CDH3: variants seen among roughly 807,000 people sequenced by gnomAD.
CDH3 encodes the protein cadherin 3.
Under a neutral mutation model 82.0 loss-of-function variants are expected in CDH3, and 54 were observed. The ratio of observed to expected loss-of-function variants is 0.66; its 90% CI spans 0.53 to 0.83. The LOEUF (loss-of-function observed/expected upper bound fraction) is 0.83. Among genes scored for constraint, CDH3 ranks in the 40% least tolerant of loss-of-function variants. The pLI, the probability that CDH3 is intolerant of heterozygous loss-of-function variation, is 0.00. For synonymous variants in CDH3, 446 were observed against 437.9 expected, an observed-to-expected ratio of 1.02 and a Z score of -0.23; for missense variants, 1,054 against 1,084.6, an observed-to-expected ratio of 0.97 and a Z score of 0.40.
At chr16:68,674,255 G>C (rs937024444) in intron 2 of CDH3, among the ~76,000 whole-genome samples, 13 of 152,022 alleles carry the variant, frequency 8.6e-5, no homozygotes, top group African/African-American at 3.1e-4. Context: ...ATCTCATTGT[G>C]ATTTTGATTT....
intron 2 of CDH3, among the ~76,000 whole-genome samples, chr16:68,675,699 C>T (rs181313869): frequency 8.2e-4 from 123 of 150,826 alleles, no homozygotes; most frequent in African/African-American, 2.2e-3. Flanking sequence ...GAGGTTGAGG[C>T]GGGAGAATCA....
At chr16:68,675,950 G>A (rs1887489594) in intron 2 of CDH3, among the ~76,000 whole-genome samples, 1 of 152,140 alleles carries the variant, frequency 6.6e-6, no homozygotes, top group Non-Finnish European at 1.5e-5. Context: ...CAGAAGGAGC[G>A]AAATGAACTG....
intron 2 of CDH3, among the ~76,000 whole-genome samples, chr16:68,673,263 G>A (rs995149519): frequency 6.6e-6 from 1 of 152,132 alleles, no homozygotes; most frequent in African/African-American, 2.4e-5. Context: ...TTGTTTGTGT[G>A]TGTGTTAAAA....
chr16:68,645,543 T>G (rs889712480), intron 1 of CDH3, 93 bp from the exon 2 acceptor site: 130 of 1,443,598 alleles, frequency 9.0e-5, no homozygotes, highest in Non-Finnish European at 1.2e-4. Flanking sequence ...GCCAAGGGAG[T>G]CCCGGAAGGC....
chr16:68,681,795 A>G (rs2152101443), intron 8 of CDH3, among the ~76,000 whole-genome samples: 1 of 152,320 alleles, frequency 6.6e-6, no homozygotes, highest in East Asian at 1.9e-4. Flanking sequence ...CCGAGATCAC[A>G]CCACTGCACT....
chr16:68,679,341 C>T (rs539823035), intron 6 of CDH3, among the ~76,000 whole-genome samples: 3 of 152,280 alleles, frequency 2.0e-5, no homozygotes, highest in South Asian at 2.1e-4. Flanking sequence ...GCGCCTAATG[C>T]GAAGCTCTTG....
rs112367888 is a variant in CDH3 at position 68,685,456 on chromosome 16, G to A, written c.1570+106G>A. The A allele has an allele frequency of 1.3e-5, 17 of 1,271,562 alleles. 1 individual carries two copies. The highest frequency in any genetic ancestry group is 5.8e-5 in the African/African-American group (4 of 68,518). 78.8% of individuals were successfully genotyped at this position (1,271,562 alleles called of 1,614,324 possible). A position where few individuals can be genotyped will look rare whatever the true frequency, so the allele number is the denominator to read the frequency against. On this transcript the variant is annotated intron_variant, in intron 11 of 15. Transcript: ENST00000264012. ...ACAGGTGGGAACATGTGTCGAGGAGGGCTATTTGCAAACCAATCCAGACGG... is the reference window on the plus strand; with the variant it reads ...ACAGGTGGGAACATGTGTCGAGGAGAGCTATTTGCAAACCAATCCAGACGG...
intron 2 of CDH3, among the ~76,000 whole-genome samples, chr16:68,653,581 G>C (rs1481701281): frequency 6.6e-6 from 1 of 152,050 alleles, no homozygotes; most frequent in African/African-American, 2.4e-5. Context: ...CTTTGTCTTG[G>C]GGGAGAAAAG....
intron 13 of CDH3, among the ~76,000 whole-genome samples, chr16:68,692,915 G>A (rs777068312): frequency 3.9e-5 from 6 of 152,170 alleles, no homozygotes; most frequent in Non-Finnish European, 8.8e-5. Flanking sequence ...GACCACCCTG[G>A]CCAATGTGGT....
intron 2 of CDH3, chr16:68,651,483 G>GCGTAT: frequency 7.3e-6 from 3 of 412,250 alleles, no homozygotes. Context: ...GGCCTTCATG[G>GCGTAT]TGTTCTAGTC....
At chr16:68,708,959 A>G (rs1039187023) in intron 1 of CDH3, among the ~76,000 whole-genome samples, 5 of 151,494 alleles carry the variant, frequency 3.3e-5, no homozygotes, top group African/African-American at 1.2e-4. Flanking sequence ...GTATTTTTTA[A>G]TTAGGTACTG....
At chr16:68,655,980 C>T (rs1960401458) in intron 2 of CDH3, among the ~76,000 whole-genome samples, 1 of 152,026 alleles carries the variant, frequency 6.6e-6, no homozygotes. Flanking sequence ...AGCTGGCAGC[C>T]AAGGAAGAAG....
chr16:68,701,245 G>T (rs76103718), downstream of CDH3, among the ~76,000 whole-genome samples: 3,811 of 152,164 alleles, frequency 0.025, 62 homozygotes, highest in Non-Finnish European at 0.039. Flanking sequence ...ACCAGCCCCC[G>T]AGAGGTTTAG....
At chr16:68,689,272 G>A (rs1057198765) in intron 12 of CDH3, among the ~76,000 whole-genome samples, 3 of 152,132 alleles carry the variant, frequency 2.0e-5, no homozygotes, top group Non-Finnish European at 4.4e-5. Flanking sequence ...GGTGGCTCAT[G>A]CCTGTAATCC....
chr16:68,670,180 C>T (rs907521581), intron 2 of CDH3, among the ~76,000 whole-genome samples: 3 of 144,992 alleles, frequency 2.1e-5, no homozygotes, highest in Non-Finnish European at 4.5e-5. Flanking sequence ...GCCGAGATTG[C>T]GCCACTGCAC....
intron 1 of CDH3, among the ~76,000 whole-genome samples, chr16:68,721,359 G>C (rs1284834618): frequency 6.7e-6 from 1 of 148,370 alleles, no homozygotes; most frequent in African/African-American, 2.5e-5. Flanking sequence ...TCAGCCTCCC[G>C]AGTTGCTGAG....
At chr16:68,672,197 A>AAAAAT (rs1567444912) in intron 2 of CDH3, among the ~76,000 whole-genome samples, 1 of 52,708 alleles carries the variant, frequency 1.9e-5, no homozygotes, top group African/African-American at 4.6e-5. Flanking sequence ...TCTCAAAAAA[A>AAAAAT]AAAAAAATAA....
intron 1 of CDH3, among the ~76,000 whole-genome samples, chr16:68,711,237 A>G (rs13333110): frequency 0.97 from 147,528 of 152,066 alleles, 71,586 homozygotes; most frequent in East Asian, 1. Flanking sequence ...TTGAACCCAG[A>G]AGGCGGAGGT....
Position 68,687,486 on chromosome 16 carries a change from C to T in CDH3, c.1571-26C>T, listed in dbSNP as rs922754617. 4 of 1,593,760 alleles carry T rather than the reference C, an allele frequency of 2.5e-6. No homozygotes were observed. The Admixed American group carries it at 5.0e-5, about 20-fold the overall frequency. On this transcript the variant is annotated intron_variant, in intron 11 of 15. Coordinates refer to ENST00000264012, the MANE Select transcript of CDH3 (RefSeq NM_001793.6). ...GGCTGACTGGGTGGGTCACAGGGAG[C>T]TCATCATATGTGTCATTACAAACAG... is the stretch of plus-strand genomic sequence containing the variant.
Sources: gnomAD v4.1 joint callset for allele counts (sites outside exome capture counted in the v4.1 genomes callset) on GRCh38, gnomAD v4.1.1 for gene constraint, MANE v1.5 for transcripts, NCBI Gene and HGNC (gene_info 2026-07-23, HGNC 2026-07-21) for gene names.